HAT1: variants seen among roughly 807,000 people sequenced by gnomAD.
HAT1 encodes histone acetyltransferase 1.
Under a neutral mutation model 56.6 loss-of-function variants are expected in HAT1, and 20 were observed. That is an observed-to-expected ratio of 0.35 (90% CI 0.25 to 0.51). HAT1 has a LOEUF of 0.51. Among genes scored for constraint, HAT1 ranks in the 20% least tolerant of loss-of-function variants. The pLI is 0.95. For missense variants in HAT1, 408 were observed against 504.3 expected (o/e 0.81, Z 1.83); for synonymous variants, 146 against 165.5 (o/e 0.88, Z 0.91).
At chr2:171,929,901 C>T (rs1574033088) in intron 2 of HAT1, among the ~76,000 whole-genome samples, 1 of 152,156 alleles carries the variant, frequency 6.6e-6, no homozygotes, top group East Asian at 1.9e-4. Flanking sequence ...TTCGATTATT[C>T]TTGACCTTAT....
intron 2 of HAT1, among the ~76,000 whole-genome samples, chr2:171,929,190 A>G (rs1253088445): frequency 6.6e-6 from 1 of 152,162 alleles, no homozygotes; most frequent in Non-Finnish European, 1.5e-5. Flanking sequence ...AAGATTAAAT[A>G]GGTTTTAATT....
chr2:171,965,908 T>C lies in HAT1; in HGVS notation c.611T>C (p.Val204Ala), dbSNP rs146360586. The change falls in exon 6 of 11, where the codon GTA (valine) becomes GCA (alanine). Residue 204 changes from valine to alanine, a missense_variant and splice_region_variant. By Grantham distance (64) the Val-to-Ala change is moderately conservative. Coordinates refer to ENST00000264108, the MANE Select transcript of HAT1 (RefSeq NM_003642.4). ...VDDERWHYFL[V>A]FEKYNKDGAT... ...GATGAAAGATGGCACTACTTTCTAG[T>C]GTAAGTACAGTTCTAAAGCAACAGT... 3 of 1,612,446 alleles carry C rather than the reference T, an allele frequency of 1.9e-6. No individual in the cohort carries two copies. Among genetic ancestry groups the C allele is most frequent in the Non-Finnish European group, 2.5e-6 (3 of 1,178,852 alleles).
At chr2:171,949,743 C>T (rs1687257957) in intron 3 of HAT1, among the ~76,000 whole-genome samples, 1 of 151,694 alleles carries the variant, frequency 6.6e-6, no homozygotes, top group Non-Finnish European at 1.5e-5. Context: ...GTCTTGAACT[C>T]CTGGGCTCAA....
intron 4 of HAT1, among the ~76,000 whole-genome samples, chr2:171,956,170 C>A: frequency 8.4e-6 from 1 of 118,450 alleles, no homozygotes; most frequent in South Asian, 2.7e-4. Flanking sequence ...ACAGTGAGAC[C>A]CTGTCTTTAA....
intron 2 of HAT1, among the ~76,000 whole-genome samples, chr2:171,940,949 G>T (rs1011375403): frequency 1.3e-5 from 2 of 152,084 alleles, no homozygotes; most frequent in Non-Finnish European, 2.9e-5. Flanking sequence ...TTTGACTAGG[G>T]TTAGCAAAAA....
At chr2:171,948,572 A>G (rs1346523062) in intron 3 of HAT1, among the ~76,000 whole-genome samples, 8 of 152,136 alleles carry the variant, frequency 5.3e-5, no homozygotes, top group Non-Finnish European at 8.8e-5. Context: ...AGATTTTGTC[A>G]GTTGATTTCT....
At chr2:171,926,625 G>A (rs1173286762) in intron 2 of HAT1, among the ~76,000 whole-genome samples, 4 of 152,178 alleles carry the variant, frequency 2.6e-5, no homozygotes, top group African/African-American at 4.8e-5. Context: ...TGGACCCTAC[G>A]TGTCTATGTG....
chr2:171,953,011 G>A lies in HAT1; in HGVS notation c.309+10G>A. The A allele has an allele frequency of 6.5e-7, 1 of 1,548,376 alleles. No homozygotes were observed. On this transcript the variant is annotated intron_variant, in intron 4 of 10. Coordinates refer to ENST00000264108, the MANE Select transcript of HAT1 (RefSeq NM_003642.4). ...CTTTGACTGTGTAGAGGTAAGAACAGAAATACTTTTTAAACTGTTTTCCAA... is the reference window on the plus strand; with the variant it reads ...CTTTGACTGTGTAGAGGTAAGAACAAAAATACTTTTTAAACTGTTTTCCAA...
rs1686460499 is a variant in HAT1 at position 171,922,488 on chromosome 2, T to C, written c.-13T>C. On this transcript the variant is annotated 5_prime_UTR_variant, in exon 1 of 11. Coordinates refer to ENST00000264108, the MANE Select transcript of HAT1 (RefSeq NM_003642.4). ...TTCGTCCTTCCTCAGCCGCGGGTGA[T>C]CGTAGCTCGGAAATGGCGGGTAAGT... is the stretch of plus-strand genomic sequence containing the variant. The C allele has an allele frequency of 1.5e-6, 2 of 1,319,352 alleles. No individual in the cohort carries two copies. The highest frequency in any genetic ancestry group is 3.0e-5 in the African/African-American group (2 of 66,536). 81.7% of individuals were successfully genotyped at this position (1,319,352 alleles called of 1,614,324 possible).
At chr2:171,935,560 T>TG (rs1274727888) in intron 2 of HAT1, among the ~76,000 whole-genome samples, 1 of 145,666 alleles carries the variant, frequency 6.9e-6, no homozygotes, top group Admixed American at 6.9e-5. Flanking sequence ...TTTTAAGTCT[T>TG]GGTGGGGGCT....
intron 2 of HAT1, among the ~76,000 whole-genome samples, chr2:171,939,457 G>A (rs1163127070): frequency 5.3e-5 from 8 of 152,160 alleles, no homozygotes; most frequent in African/African-American, 1.7e-4. Flanking sequence ...AGCAAGTTTT[G>A]TGACCCATTC....
At chr2:171,978,238 T>C (rs973128371) in intron 9 of HAT1, among the ~76,000 whole-genome samples, 2 of 151,996 alleles carry the variant, frequency 1.3e-5, no homozygotes, top group African/African-American at 2.4e-5. Flanking sequence ...CTAATTTTTG[T>C]AGAGACAGGG....
Position 171,978,693 on chromosome 2 carries a change from G to C in HAT1, c.976-554G>C, listed in dbSNP as rs139514618. Among the ~76,000 whole-genome samples, 220 of 152,182 alleles carry C rather than the reference G, an allele frequency of 1.4e-3. 1 individual carries two copies. Among genetic ancestry groups the C allele is most frequent in the African/African-American group, 5.2e-3 (217 of 41,514 alleles). On this transcript the variant is annotated intron_variant, in intron 9 of 10. Transcript: ENST00000264108. ...GATGTAATAACTCAGCTTCTTGATT[G>C]GTCTCTATGCACTTCTTTTTGCTAC...
chr2:171,970,453 A>G (rs1224767228), intron 8 of HAT1, among the ~76,000 whole-genome samples: 1 of 146,856 alleles, frequency 6.8e-6, no homozygotes, highest in Non-Finnish European at 1.5e-5. Context: ...CCATACACAC[A>G]TACACTAAAT....
At chr2:171,965,265 GT>G in intron 4 of HAT1, 72 bp from the exon 5 acceptor site, 1 of 900,278 alleles carries the variant, frequency 1.1e-6, no homozygotes, top group Non-Finnish European at 1.7e-6. Context: ...GGTTTTGTCA[GT>G]TTTAAAGAAA....
At chr2:171,935,466 G>A (rs1686849402) in intron 2 of HAT1, among the ~76,000 whole-genome samples, 1 of 126,688 alleles carries the variant, frequency 7.9e-6, no homozygotes, top group African/African-American at 3.1e-5. Context: ...TGTGAGCTGA[G>A]ATTGTGCCAT....
intron 2 of HAT1, among the ~76,000 whole-genome samples, chr2:171,941,782 C>T (rs542917195): frequency 1.3e-5 from 2 of 152,332 alleles, no homozygotes; most frequent in South Asian, 4.1e-4. Flanking sequence ...CAGCCTGGTT[C>T]CTAACAGGCC....
At chr2:171,932,452 C>T (rs931193584) in intron 2 of HAT1, among the ~76,000 whole-genome samples, 1 of 152,140 alleles carries the variant, frequency 6.6e-6, no homozygotes, top group African/African-American at 2.4e-5. Flanking sequence ...AGATTTAATA[C>T]TGTTCTGATC....
intron 2 of HAT1, among the ~76,000 whole-genome samples, chr2:171,931,706 C>T (rs1337293145): frequency 6.6e-6 from 1 of 152,168 alleles, no homozygotes; most frequent in Admixed American, 6.5e-5. Context: ...GTACAGTCAG[C>T]TCTTTGTATC....
Sources: allele counts gnomAD v4.1 joint callset (sites outside exome capture counted in the v4.1 genomes callset), GRCh38; gene constraint gnomAD v4.1.1; transcripts MANE v1.5; gene names NCBI Gene and HGNC (gene_info 2026-07-23, HGNC 2026-07-21).